NCAPH: variants seen among roughly 807,000 people sequenced by gnomAD.
The protein encoded by NCAPH is non-SMC condensin I complex subunit H.
Under a neutral mutation model 85.5 loss-of-function variants are expected in NCAPH, and 38 were observed. The observed-to-expected ratio is 0.44, with a 90% confidence interval of 0.34 to 0.58. NCAPH has a LOEUF of 0.58. NCAPH is among the 20% of genes least tolerant of loss of function. NCAPH has a pLI of 0.01. For missense variants in NCAPH, 789 were observed against 916.6 expected (o/e 0.86, Z 1.80); for synonymous variants, 301 against 335.1 (o/e 0.90, Z 1.11).
Position 96,341,357 on chromosome 2 carries a change from G to A in NCAPH, c.20-285G>A. 2 of 350,690 alleles carry A rather than the reference G, an allele frequency of 5.7e-6. 1 individual carries two copies. The highest frequency in any genetic ancestry group is 8.5e-5 in the South Asian group (2 of 23,630). The allele number at this position is 350,690 out of a possible 1,614,324, so 21.7% of individuals were successfully genotyped here. ...CCAGTTTGTGAGCTTATCAGAGGCAGCAATATTATATCATCCATTTTTATA... is the reference window on the plus strand; with the variant it reads ...CCAGTTTGTGAGCTTATCAGAGGCAACAATATTATATCATCCATTTTTATA... On this transcript the variant is annotated intron_variant, in intron 1 of 17. Transcript: ENST00000240423.
rs142133680 is a variant in NCAPH, at chr2:96,365,972, G to A, written c.1795G>A (p.Ala599Thr). ...TTATCCTTGCCATCCACCTAAGACA[G>A]CACAACAGAATGGTGACACTCCAGA... ...SPYPCHPPKT[A>T]QQNGDTPEAQ... The change falls in exon 14 of 18, where the codon GCA becomes ACA. Residue 599 changes from alanine to threonine, a missense_variant. Physicochemically the swap from Ala to Thr is moderately conservative, Grantham distance 58. Coordinates refer to ENST00000240423, the MANE Select transcript of NCAPH (RefSeq NM_015341.5). 1 of 1,614,080 alleles carries A rather than the reference G, an allele frequency of 6.2e-7. No individual in the cohort carries two copies. The highest frequency in any genetic ancestry group is 1.3e-5 in the African/African-American group (1 of 74,936).
chr2:96,342,959 T>G (rs896982496), intron 4 of NCAPH, 111 bp downstream of exon 4: 50 of 1,166,124 alleles, frequency 4.3e-5, no homozygotes, highest in Non-Finnish European at 6.2e-5. Context: ...CTCATTTAGA[T>G]GTTATGTTAG....
chr2:96,344,251 G>A (rs2104429081), intron 6 of NCAPH, 22 bp downstream of exon 6: 3 of 1,587,414 alleles, frequency 1.9e-6, no homozygotes, highest in Non-Finnish European at 2.6e-6. Context: ...TATGCGCAGT[G>A]TGGTTTCTGA....
rs2064831064 is a variant in NCAPH at position 96,376,299 on chromosome 2, G to A, written c.*2948G>A. On this transcript the variant is annotated 3_prime_UTR_variant, in exon 18 of 18. Coordinates refer to ENST00000240423, the MANE Select transcript of NCAPH (RefSeq NM_015341.5). ...CAAGAGGGAATTGCAATTTGCAAGA[G>A]AGGGGCAATTTGCAATTTGCAAGAG... is the stretch of plus-strand genomic sequence containing the variant. 1.3e-5 allele frequency among the ~76,000 whole-genome samples: 2 copies of A among 152,148 alleles called. No homozygotes were observed. The highest frequency in any genetic ancestry group is 2.9e-5 in the Non-Finnish European group (2 of 68,020).
chr2:96,364,542 A>G lies in NCAPH; in HGVS notation c.1649A>G (p.Tyr550Cys). The G allele has an allele frequency of 6.2e-7, 1 of 1,613,904 alleles. No individual in the cohort carries two copies. Among genetic ancestry groups the G allele is most frequent in the African/African-American group, 1.3e-5 (1 of 75,048 alleles). The change falls in exon 13 of 18, where the codon TAT becomes TGT. Residue 550 changes from tyrosine (Y) to cysteine (C), a missense_variant. By Grantham distance (194) the Tyr-to-Cys change is radical (BLOSUM62 -2). Transcript: ENST00000240423. ...ETEHYEEIED[Y>C]DYNNPNDTSN... ...GAGCATTATGAAGAAATTGAAGACT[A>G]TGATTACAACAACCCTAACGACACC...
At chr2:96,336,524 G>A (rs2064216744) in intron 1 of NCAPH, among the ~76,000 whole-genome samples, 1 of 152,226 alleles carries the variant, frequency 6.6e-6, no homozygotes, top group Non-Finnish European at 1.5e-5. Context: ...GCCTGGCCTA[G>A]GACCTGACCA....
chr2:96,367,243 T>A lies in NCAPH; in HGVS notation c.1882-14T>A, dbSNP rs114443303. The A allele has an allele frequency of 0.018, 28,253 of 1,558,178 alleles. 350 individuals are homozygous for A. Among genetic ancestry groups the A allele is most frequent in the Non-Finnish European group, 0.022 (25,400 of 1,130,098 alleles). The stretch of plus-strand genomic sequence containing the variant: ...TATTCTGCTTAGTTTTACTTTGTCA[T>A]ATACCTATTTCAGGTAAATAAAATT... On this transcript the variant is annotated splice_polypyrimidine_tract_variant and intron_variant, in intron 14 of 17. Transcript: ENST00000240423.
chr2:96,376,539 T>G lies in NCAPH; in HGVS notation c.*3188T>G, dbSNP rs980095896. 6.6e-6 allele frequency among the ~76,000 whole-genome samples: 1 copy of G among 152,190 alleles called. No individual in the cohort carries two copies. The highest frequency in any genetic ancestry group is 1.5e-5 in the Non-Finnish European group (1 of 68,040). ...GGAGCAAAAGGCTGCAGGTAACACT[T>G]TGGTGCCCTAGAAATTCTGCTGTGG... On this transcript the variant is annotated 3_prime_UTR_variant, in exon 18 of 18. Transcript: ENST00000240423.
At chr2:96,360,535 T>C (rs901549483) in intron 11 of NCAPH, 53 bp from the exon 12 acceptor site, 9 of 1,599,974 alleles carry the variant, frequency 5.6e-6, no homozygotes, top group Admixed American at 3.4e-5. Context: ...AAAAGTAAGA[T>C]GTTTTGCCCA....
chr2:96,338,961 C>T, intron 1 of NCAPH, among the ~76,000 whole-genome samples: 1 of 152,178 alleles, frequency 6.6e-6, no homozygotes, highest in South Asian at 2.1e-4. Flanking sequence ...CAGGCACCCG[C>T]CACTGCGCCC....
intron 8 of NCAPH, 79 bp from the exon 9 acceptor site, chr2:96,354,104 G>A: frequency 2.9e-6 from 4 of 1,401,544 alleles, no homozygotes; most frequent in Non-Finnish European, 4.0e-6. Context: ...AAATTTAAGG[G>A]TGAGAAGGCT....
At chr2:96,367,866 A>G (rs551603177) in intron 15 of NCAPH, among the ~76,000 whole-genome samples, 16 of 152,376 alleles carry the variant, frequency 1.1e-4, no homozygotes, top group Admixed American at 5.2e-4. Flanking sequence ...ACTGTTTTCC[A>G]TTACTGAGGA....
Position 96,376,556 on chromosome 2 carries a change from C to A in NCAPH, c.*3205C>A, listed in dbSNP as rs2064833773. Among the ~76,000 whole-genome samples, 1 of 152,210 alleles carries A rather than the reference C, an allele frequency of 6.6e-6. No homozygotes were observed. Among genetic ancestry groups the A allele is most frequent in the African/African-American group, 2.4e-5 (1 of 41,448 alleles). The stretch of plus-strand genomic sequence containing the variant: ...GTAACACTTTGGTGCCCTAGAAATT[C>A]TGCTGTGGTGCAACTATAGTGGATC... On this transcript the variant is annotated 3_prime_UTR_variant, in exon 18 of 18. Coordinates refer to ENST00000240423, the MANE Select transcript of NCAPH (RefSeq NM_015341.5).
chr2:96,352,291 C>T (rs2064455758), intron 7 of NCAPH, among the ~76,000 whole-genome samples: 1 of 152,208 alleles, frequency 6.6e-6, no homozygotes, highest in Non-Finnish European at 1.5e-5. Context: ...GCAGTCAGCT[C>T]TCCAAGTCAC....
chr2:96,353,220 G>T lies in NCAPH; in HGVS notation c.911-86G>T. 3 of 1,086,050 alleles carry T rather than the reference G, an allele frequency of 2.8e-6. 1 individual carries two copies. In the Admixed American group the frequency reaches 5.9e-5, roughly 21 times the overall value. The allele number at this position is 1,086,050 out of a possible 1,614,324, so 67.3% of individuals were successfully genotyped here. A position where few individuals can be genotyped will look rare whatever the true frequency, so the allele number is the denominator to read the frequency against. On this transcript the variant is annotated intron_variant, in intron 7 of 17. Transcript: ENST00000240423. ...GAGGTAACTGTGCCTCTCATCTCTC[G>T]TCCCACTCAGTATCATTCTGAAGGG...
intron 6 of NCAPH, among the ~76,000 whole-genome samples, chr2:96,348,772 C>T (rs1057359191): frequency 6.6e-6 from 1 of 152,108 alleles, no homozygotes; most frequent in Non-Finnish European, 1.5e-5. Flanking sequence ...TCTCGTGCCT[C>T]AGCCTCCCAT....
intron 6 of NCAPH, among the ~76,000 whole-genome samples, chr2:96,345,017 A>G (rs1363176255): frequency 1.3e-5 from 2 of 152,208 alleles, no homozygotes; most frequent in Admixed American, 1.3e-4. Context: ...CCTCCACAAC[A>G]TTCATAAATG....
intron 1 of NCAPH, among the ~76,000 whole-genome samples, chr2:96,339,793 A>G (rs1481589685): frequency 1.3e-5 from 2 of 152,096 alleles, no homozygotes; most frequent in Admixed American, 1.3e-4. Context: ...TACATAGTTT[A>G]TCACATCCTC....
rs1476822941 is a variant in NCAPH at position 96,354,331 on chromosome 2, T to C, written c.1151T>C (p.Val384Ala). The C allele has an allele frequency of 2.5e-6, 4 of 1,613,660 alleles. No individual in the cohort carries two copies. The highest frequency in any genetic ancestry group is 2.2e-5 in the South Asian group (2 of 91,020). Reference sequence around the variant, plus strand: ...AACGATGAACCTGACCACACCGCAGTTGGGGATCATGAAGAGTTCAGGAGC... The same window carrying C: ...AACGATGAACCTGACCACACCGCAGCTGGGGATCATGAAGAGTTCAGGAGC... ...DANDEPDHTA[V>A]GDHEEFRSWK... Residue 384 changes from valine (V) to alanine (A), a missense_variant, in exon 9 of 18, where the codon GTT becomes GCT. Val to Ala is a moderately conservative substitution (Grantham distance 64). Transcript: ENST00000240423.
Sources: allele counts gnomAD v4.1 joint callset (sites outside exome capture counted in the v4.1 genomes callset), GRCh38; gene constraint gnomAD v4.1.1; transcripts MANE v1.5; gene names NCBI Gene and HGNC (gene_info 2026-07-23, HGNC 2026-07-21).